SMIM35: variants seen among roughly 807,000 people sequenced by gnomAD.
SMIM35 encodes TMPRSS4 antisense RNA 1 (non-protein coding).
chr11:118,066,763 T>C (rs1456015774), intron 1 of SMIM35, among the ~76,000 whole-genome samples: 1 of 151,620 alleles, frequency 6.6e-6, no homozygotes, highest in Non-Finnish European at 1.5e-5. Flanking sequence ...AGATCAAGAC[T>C]GCAGTGAGTC....
chr11:118,037,166 C>G (rs973613109), intron 1 of SMIM35, among the ~76,000 whole-genome samples: 1 of 152,218 alleles, frequency 6.6e-6, no homozygotes, highest in Non-Finnish European at 1.5e-5. Context: ...ACCACTCTAA[C>G]TGCTTCCTGC....
chr11:118,017,921 A>C (rs1296117847), intron 1 of SMIM35, among the ~76,000 whole-genome samples: 4 of 152,146 alleles, frequency 2.6e-5, no homozygotes, highest in Non-Finnish European at 4.4e-5. Flanking sequence ...GCAAGAGGGT[A>C]CCCACCCCCA....
intron 1 of SMIM35, among the ~76,000 whole-genome samples, chr11:118,078,013 C>CAAAA (rs148383275): frequency 5.8e-3 from 414 of 70,916 alleles, no homozygotes; most frequent in Middle Eastern, 0.01. Flanking sequence ...AACTCCGTCT[C>CAAAA]AAAAAAAAAA....
intron 1 of SMIM35, among the ~76,000 whole-genome samples, chr11:118,032,992 A>G (rs2058331001): frequency 6.6e-6 from 1 of 152,344 alleles, no homozygotes. Flanking sequence ...TTTTACATTC[A>G]AAAAACTAAT....
chr11:118,014,979 A>G (rs2512151), intron 2 of SMIM35, among the ~76,000 whole-genome samples: 2,516 of 152,306 alleles, frequency 0.017, 33 homozygotes, highest in Non-Finnish European at 0.025. Context: ...CTCAGCTTGG[A>G]TTCAGACTCC....
intron 1 of SMIM35, among the ~76,000 whole-genome samples, chr11:118,021,001 G>C (rs1273965555): frequency 6.7e-6 from 1 of 148,228 alleles, no homozygotes; most frequent in Non-Finnish European, 1.5e-5. Flanking sequence ...TTTAACCCTT[G>C]AGGTATTTGG....
intron 1 of SMIM35, among the ~76,000 whole-genome samples, chr11:118,021,819 T>G (rs971976729): frequency 1.3e-5 from 2 of 152,108 alleles, no homozygotes; most frequent in Admixed American, 1.3e-4. Flanking sequence ...AATTCATAAT[T>G]ATTATTAGAG....
rs77190456 is a variant in SMIM35, at chr11:118,050,678, G to A, written c.8-34869C>T. On this transcript the variant is annotated intron_variant, in intron 1 of 4. Transcript: ENST00000689828. ...CCCTTGCTTCCTCATCATAAGTGCC[G>A]GCCGATGCATGCATGTTGCAGAAAA... Among the ~76,000 whole-genome samples, 27 of 152,232 alleles carry A rather than the reference G, an allele frequency of 1.8e-4. No individual in the cohort carries two copies. The East Asian group carries it at 2.3e-3, about 13-fold the overall frequency.
chr11:118,063,675 G>A (rs1321198620), intron 1 of SMIM35, among the ~76,000 whole-genome samples: 1 of 152,168 alleles, frequency 6.6e-6, no homozygotes, highest in Admixed American at 6.5e-5. Flanking sequence ...TTAGGGGAGG[G>A]GAGAGGGGCT....
intron 1 of SMIM35, among the ~76,000 whole-genome samples, chr11:118,046,999 TG>T (rs1333683156): frequency 6.6e-6 from 1 of 152,242 alleles, no homozygotes; most frequent in Non-Finnish European, 1.5e-5. Flanking sequence ...TAAATTTCTT[TG>T]TAGAAGCCAG....
chr11:118,033,063 G>T (rs909579239), intron 1 of SMIM35, among the ~76,000 whole-genome samples: 3 of 152,152 alleles, frequency 2.0e-5, no homozygotes, highest in Admixed American at 6.5e-5. Flanking sequence ...TCTCTCTACA[G>T]TTAAGGCAAA....
At chr11:118,080,920 G>A (rs1945076396) in intron 1 of SMIM35, among the ~76,000 whole-genome samples, 1 of 152,158 alleles carries the variant, frequency 6.6e-6, no homozygotes, top group South Asian at 2.1e-4. Flanking sequence ...CCCAAGCAAG[G>A]ATTCCCTGGG....
intron 1 of SMIM35, among the ~76,000 whole-genome samples, chr11:118,027,305 G>GCCT (rs1211452678): frequency 2.0e-5 from 3 of 150,666 alleles, no homozygotes; most frequent in Non-Finnish European, 4.4e-5. Flanking sequence ...GGGATTACAG[G>GCCT]CGTGAGCCAC....
At chr11:118,066,420 T>C (rs1477138530) in intron 1 of SMIM35, among the ~76,000 whole-genome samples, 2 of 152,108 alleles carry the variant, frequency 1.3e-5, no homozygotes, top group Admixed American at 6.6e-5. Flanking sequence ...ACCAGAATGA[T>C]CTTTCAAAAT....
intron 1 of SMIM35, among the ~76,000 whole-genome samples, chr11:118,034,747 A>G (rs1049843754): frequency 6.6e-6 from 1 of 152,128 alleles, no homozygotes; most frequent in African/African-American, 2.4e-5. Flanking sequence ...GAAGGGTGAA[A>G]GTAGGAGGGA....
chr11:118,082,565 A>AG (rs1294576480), intron 1 of SMIM35, among the ~76,000 whole-genome samples: 3 of 81,736 alleles, frequency 3.7e-5, no homozygotes, highest in Admixed American at 3.2e-4. Flanking sequence ...GGTCTCAAAA[A>AG]AAAAGAAAGA....
intron 1 of SMIM35, chr11:118,028,829 G>C (rs1192137532): frequency 2.2e-6 from 1 of 451,988 alleles, no homozygotes; most frequent in Admixed American, 2.4e-5. Flanking sequence ...AGAAGTAGAA[G>C]GGGAAAAGGA....
At chr11:118,046,783 C>A (rs559413815) in intron 1 of SMIM35, among the ~76,000 whole-genome samples, 1 of 152,308 alleles carries the variant, frequency 6.6e-6, no homozygotes, top group African/African-American at 2.4e-5. Flanking sequence ...CCGTTTGAGT[C>A]TGGAGGACAG....
At chr11:118,025,971 A>G (rs1565383496) in intron 1 of SMIM35, 1 of 307,588 alleles carries the variant, frequency 3.3e-6, no homozygotes, top group Non-Finnish European at 6.2e-6. Flanking sequence ...ACTTTTGTAT[A>G]TGGTGAAAGT....
Sources: allele counts gnomAD v4.1 joint callset (sites outside exome capture counted in the v4.1 genomes callset), GRCh38; gene constraint gnomAD v4.1.1; transcripts MANE v1.5; gene names NCBI Gene and HGNC (gene_info 2026-07-23, HGNC 2026-07-21).